The following ZNF519 variants were observed in gnomAD, a reference collection of about 807,000 sequenced individuals.
ZNF519 encodes zinc finger protein 519.
ZNF519 carries 7 observed loss-of-function variants against 7.4 expected under a neutral mutation model. That is an observed-to-expected ratio of 0.94 (90% CI 0.54 to 1.77). ZNF519 has a LOEUF of 1.77. ZNF519 is among the 40% of genes most tolerant of loss of function. ZNF519 has a pLI of 0.00. For missense variants in ZNF519, 586 were observed against 623.1 expected, an observed-to-expected ratio of 0.94 and a Z score of 0.63; for synonymous variants, 179 against 203.3, an observed-to-expected ratio of 0.88 and a Z score of 1.02.
chr18:14,121,510 C>G (rs963578341), intron 2 of ZNF519, among the ~76,000 whole-genome samples: 2 of 152,094 alleles, frequency 1.3e-5, no homozygotes, highest in African/African-American at 4.8e-5. Flanking sequence ...CACACAAACA[C>G]AGTCATAGAG....
chr18:14,131,298 C>T (rs1272736968), intron 1 of ZNF519, among the ~76,000 whole-genome samples: 2 of 152,142 alleles, frequency 1.3e-5, no homozygotes, highest in African/African-American at 2.4e-5. Flanking sequence ...TTACAAATTG[C>T]CATCCACTGC....
At chr18:14,113,691 ATT>A (rs56144421) in intron 2 of ZNF519, among the ~76,000 whole-genome samples, 8 of 140,632 alleles carry the variant, frequency 5.7e-5, no homozygotes, top group African/African-American at 1.0e-4. Context: ...TAGTAGCTCT[ATT>A]TTTTTTTTTT....
chr18:14,084,301 T>C (rs1314819280), intron 3 of ZNF519: 1 of 151,970 alleles, frequency 6.6e-6, no homozygotes, highest in Non-Finnish European at 1.5e-5. Flanking sequence ...GTGGAAAATA[T>C]TTTTTTTAGG....
chr18:14,101,975 T>C lies in ZNF519; in HGVS notation c.*2942A>G. The C allele has an allele frequency of 2.7e-6, 1 of 375,994 alleles. No individual in the cohort carries two copies. The highest frequency in any genetic ancestry group is 4.7e-6 in the Non-Finnish European group (1 of 212,956). 23.3% of individuals were successfully genotyped at this position (375,994 alleles called of 1,614,324 possible). A position where few individuals can be genotyped will look rare whatever the true frequency, so the allele number is the denominator to read the frequency against. ...TAATTTTAAGACATATAATATTCTC[T>C]AATATTCAGGAATAAAGAGGTTTCC... On this transcript the variant is annotated 3_prime_UTR_variant, in exon 3 of 3. Transcript: ENST00000590202.
chr18:14,091,081 T>G (rs1363791371), intron 2 of ZNF519: 1 of 152,208 alleles, frequency 6.6e-6, no homozygotes, highest in Non-Finnish European at 1.5e-5. Context: ...TTGGACTTAG[T>G]ATGTATTCAT....
rs780023469 is a variant in ZNF519 at position 14,105,785 on chromosome 18, A to C, written c.755T>G (p.Leu252Arg). 1.3e-5 allele frequency: 21 copies of C among 1,611,118 alleles called. No individual in the cohort carries two copies. The highest frequency in any genetic ancestry group is 1.7e-5 in the Non-Finnish European group (20 of 1,179,342). The change falls in exon 3 of 3, where the codon CTA (leucine) becomes CGA (arginine). Residue 252 changes from leucine (L) to arginine (R), a missense_variant. By Grantham distance (102) the Leu-to-Arg change is moderately radical. Coordinates refer to ENST00000590202, the MANE Select transcript of ZNF519 (RefSeq NM_145287.4). ...AGTGTTAATTATCTTATGTCCCTTT[A>C]GATGTGATTGACTAAAGACTATTAT... The part of the protein sequence containing the change: ...KCIIVFSQSH[L>R]KGHKIINTGE...
At chr18:14,078,085 T>C (rs2046055396) in intron 4 of ZNF519, 1 of 152,110 alleles carries the variant, frequency 6.6e-6, no homozygotes, top group Admixed American at 6.5e-5. Flanking sequence ...GCAACCTAGA[T>C]CCCTCACATG....
At chr18:14,114,532 T>C (rs534787613) in intron 2 of ZNF519, among the ~76,000 whole-genome samples, 2 of 152,318 alleles carry the variant, frequency 1.3e-5, no homozygotes, top group East Asian at 3.9e-4. Context: ...TGTAGTATCA[T>C]TTACAGTCAA....
chr18:14,122,936 C>G lies in ZNF519; in HGVS notation c.130+1414G>C, dbSNP rs60729864. On this transcript the variant is annotated intron_variant, in intron 2 of 2. Transcript: ENST00000590202. ...TAATGTTATCCCTCCCCCCTCCCCC[C>G]ACCCCACGACAGGCCCCGGTGTGTG... 1.6e-3 allele frequency among the ~76,000 whole-genome samples: 214 copies of G among 132,330 alleles called. 2 individuals are homozygous for G. The highest frequency in any genetic ancestry group is 5.5e-3 in the African/African-American group (197 of 35,624). 86.8% of individuals were successfully genotyped at this position (132,330 alleles called of 152,430 possible).
intron 2 of ZNF519, chr18:14,123,166 T>G (rs1302451696): frequency 7.8e-6 from 2 of 257,740 alleles, no homozygotes; most frequent in Non-Finnish European, 1.6e-5. Context: ...GCTCTTTTCT[T>G]TGCTCCAGAC....
At chr18:14,129,347 G>C (rs1342285999) in intron 1 of ZNF519, among the ~76,000 whole-genome samples, 1 of 152,142 alleles carries the variant, frequency 6.6e-6, no homozygotes, top group Non-Finnish European at 1.5e-5. Context: ...TGTCGTGGGA[G>C]GAGTGTAGCC....
chr18:14,109,503 A>G (rs2046210776), intron 2 of ZNF519, among the ~76,000 whole-genome samples: 1 of 152,204 alleles, frequency 6.6e-6, no homozygotes, highest in Non-Finnish European at 1.5e-5. Context: ...AATTAAAATA[A>G]TATCAAGCAT....
intron 2 of ZNF519, among the ~76,000 whole-genome samples, chr18:14,118,957 C>T (rs1027581631): frequency 1.4e-4 from 22 of 152,084 alleles, no homozygotes; most frequent in African/African-American, 5.3e-4. Flanking sequence ...CATTCATACA[C>T]CTGGTATATG....
chr18:14,091,091 T>C (rs1268085018), intron 2 of ZNF519: 21 of 152,192 alleles, frequency 1.4e-4, no homozygotes, highest in Admixed American at 1.4e-3. Context: ...TATGTATTCA[T>C]TGAAAAATAA....
intron 2 of ZNF519, among the ~76,000 whole-genome samples, chr18:14,111,845 T>C (rs572006345): frequency 5.6e-4 from 86 of 152,256 alleles, no homozygotes; most frequent in Middle Eastern, 3.4e-3. Flanking sequence ...CGACCAAACA[T>C]GTATAAAACT....
intron 1 of ZNF519, among the ~76,000 whole-genome samples, chr18:14,125,910 T>A (rs2046296943): frequency 6.6e-6 from 1 of 152,212 alleles, no homozygotes; most frequent in African/African-American, 2.4e-5. Flanking sequence ...GGTCTTGCAC[T>A]CCTGACCTCA....
At chr18:14,109,599 T>C (rs1339844870) in intron 2 of ZNF519, among the ~76,000 whole-genome samples, 2 of 152,132 alleles carry the variant, frequency 1.3e-5, no homozygotes, top group African/African-American at 4.8e-5. Context: ...TTAAACAATA[T>C]GCTCCTGAAA....
At chr18:14,083,260 G>T (rs1010834421) in intron 3 of ZNF519, among the ~76,000 whole-genome samples, 1 of 152,190 alleles carries the variant, frequency 6.6e-6, no homozygotes, top group Admixed American at 6.5e-5. Flanking sequence ...TGAGGCACGA[G>T]AATTGCTTGA....
chr18:14,119,501 A>C (rs777069492), intron 2 of ZNF519, among the ~76,000 whole-genome samples: 4 of 152,220 alleles, frequency 2.6e-5, no homozygotes, highest in African/African-American at 4.8e-5. Context: ...AAGAAGTAAA[A>C]ATGTTACTGT....
Sources: allele counts gnomAD v4.1 joint callset (sites outside exome capture counted in the v4.1 genomes callset), GRCh38; gene constraint gnomAD v4.1.1; transcripts MANE v1.5; gene names NCBI Gene and HGNC (gene_info 2026-07-23, HGNC 2026-07-21).